NHS: variants seen among roughly 807,000 people sequenced by gnomAD.
NHS encodes NHS actin remodeling regulator, also known as actin remodeling regulator NHS.
NHS carries 5 observed loss-of-function variants against 72.5 expected under a neutral mutation model. That is an observed-to-expected ratio of 0.07 (90% CI 0.04 to 0.14). The LOEUF is 0.14. Ranked by LOEUF, NHS falls within the 10% of genes least tolerant of loss-of-function variation. NHS has a pLI of 1.00. For synonymous variants in NHS, 464 were observed against 547.7 expected, an observed-to-expected ratio of 0.85 and a Z score of 2.13; for missense variants, 1,072 against 1,355.7, an observed-to-expected ratio of 0.79 and a Z score of 3.29.
chrX:17,378,556 G>A (rs2064358340), intron 1 of NHS, among the ~76,000 whole-genome samples: 1 of 111,421 alleles, frequency 9.0e-6, no homozygotes, highest in Admixed American at 9.5e-5. Flanking sequence ...AGAATGCAGA[G>A]CCTGAGACAA....
intron 1 of NHS, among the ~76,000 whole-genome samples, chrX:17,678,291 T>A (rs901196019): frequency 6.6e-5 from 7 of 105,579 alleles, no homozygotes; most frequent in African/African-American, 1.1e-4. Context: ...TGTGTGTGTG[T>A]GTGAGAGAGA....
At chrX:17,381,880 C>G (rs1451027764) in intron 1 of NHS, among the ~76,000 whole-genome samples, 1 of 112,428 alleles carries the variant, frequency 8.9e-6, no homozygotes, top group Non-Finnish European at 1.9e-5. Flanking sequence ...ATTTATAACC[C>G]TGGAAGTATA....
intron 1 of NHS, among the ~76,000 whole-genome samples, chrX:17,546,581 G>T (rs1389071752): frequency 1.8e-5 from 2 of 111,934 alleles, no homozygotes; most frequent in Non-Finnish European, 1.9e-5. Flanking sequence ...TGAATGCCAG[G>T]CATGTGCTTG....
chrX:17,413,466 A>G (rs751598032), intron 1 of NHS, among the ~76,000 whole-genome samples: 4 of 112,030 alleles, frequency 3.6e-5, no homozygotes, highest in Admixed American at 9.4e-5. Flanking sequence ...TCTTGATGTC[A>G]TTAGCTGTTT....
intron 1 of NHS, among the ~76,000 whole-genome samples, chrX:17,483,007 G>C (rs760677749): frequency 5.9e-5 from 6 of 100,900 alleles, no homozygotes; most frequent in African/African-American, 2.1e-4. Flanking sequence ...GGGGGCATCT[G>C]CTCCACTGCT....
chrX:17,440,339 C>G (rs1175351555), intron 1 of NHS, among the ~76,000 whole-genome samples: 2 of 106,045 alleles, frequency 1.9e-5, no homozygotes, highest in East Asian at 5.9e-4. Context: ...ATATGGGTCA[C>G]AGTCAACAAA....
chrX:17,455,377 A>T (rs112308184), intron 1 of NHS, among the ~76,000 whole-genome samples: 1,481 of 111,746 alleles, frequency 0.013, 26 homozygotes, highest in African/African-American at 0.045. Context: ...ACTATCACCA[A>T]CATCATCACC....
chrX:17,687,201 T>C (rs756769275), intron 1 of NHS: 1 of 143,393 alleles, frequency 7.0e-6, no homozygotes, highest in East Asian at 1.7e-4. Flanking sequence ...AGCCGGTAGG[T>C]GTAGGGCATG....
intron 1 of NHS, among the ~76,000 whole-genome samples, chrX:17,648,365 T>A (rs112147118): frequency 1.5e-3 from 164 of 112,005 alleles, no homozygotes; most frequent in African/African-American, 5.2e-3. Context: ...GGTGCCAAGA[T>A]CAGCAGAAGC....
chrX:17,447,517 A>G (rs2064786636), intron 1 of NHS, among the ~76,000 whole-genome samples: 1 of 111,074 alleles, frequency 9.0e-6, no homozygotes, highest in Non-Finnish European at 1.9e-5. Flanking sequence ...TTTATTAGTG[A>G]TGCTATTGGA....
At chrX:17,411,331 T>C (rs2064556925) in intron 1 of NHS, among the ~76,000 whole-genome samples, 1 of 111,901 alleles carries the variant, frequency 8.9e-6, no homozygotes, top group South Asian at 3.8e-4. Context: ...ATGGGCTGTG[T>C]TGAATGCCAG....
chrX:17,572,491 C>CTTTTTTTTTTTTTTTTTTTTT (rs760577193), intron 1 of NHS, among the ~76,000 whole-genome samples: 9 of 46,764 alleles, frequency 1.9e-4, no homozygotes, highest in African/African-American at 5.2e-4. Flanking sequence ...GCAACCCCTG[C>CTTTTTTTTTTTTTTTTTTTTT]TTTTTTTTTT....
At chrX:17,420,744 A>T (rs1016343739) in intron 1 of NHS, among the ~76,000 whole-genome samples, 2 of 112,190 alleles carry the variant, frequency 1.8e-5, no homozygotes, top group Admixed American at 1.9e-4. Flanking sequence ...CATAAAAAAT[A>T]TTTGTAAATA....
At chrX:17,583,323 A>G (rs2065554309) in intron 1 of NHS, among the ~76,000 whole-genome samples, 1 of 111,590 alleles carries the variant, frequency 9.0e-6, no homozygotes, top group Non-Finnish European at 1.9e-5. Context: ...CTGCAAATCC[A>G]TCCCATAACA....
chrX:17,712,290 T>TATATACAC (rs1396937988), intron 3 of NHS, among the ~76,000 whole-genome samples: 133 of 52,965 alleles, frequency 2.5e-3, no homozygotes, highest in Non-Finnish European at 3.4e-3. Flanking sequence ...TATATATATA[T>TATATACAC]ACACACACAC....
intron 1 of NHS, chrX:17,687,373 T>C: frequency 4.1e-6 from 1 of 243,490 alleles, no homozygotes; most frequent in Non-Finnish European, 7.6e-6. Context: ...TCTGAGGCTT[T>C]CCTCCACATT....
At chrX:17,728,992 G>A (rs1007645257) in intron 8 of NHS, among the ~76,000 whole-genome samples, 30 of 112,401 alleles carry the variant, frequency 2.7e-4, no homozygotes, top group African/African-American at 9.7e-4. Context: ...GATAGACCTC[G>A]ATTGAGAGAC....
chrX:17,398,869 C>T (rs2064488849), intron 1 of NHS, among the ~76,000 whole-genome samples: 1 of 111,981 alleles, frequency 8.9e-6, no homozygotes, highest in Non-Finnish European at 1.9e-5. Context: ...GACTCTACTT[C>T]TTGACTGGAG....
At chrX:17,677,140 A>G (rs2066087214) in intron 1 of NHS, among the ~76,000 whole-genome samples, 1 of 111,549 alleles carries the variant, frequency 9.0e-6, no homozygotes, top group Non-Finnish European at 1.9e-5. Flanking sequence ...GCTCCATTTT[A>G]ATCTATTATG....
Sources: allele counts gnomAD v4.1 joint callset (sites outside exome capture counted in the v4.1 genomes callset), GRCh38; gene constraint gnomAD v4.1.1; transcripts MANE v1.5; gene names NCBI Gene and HGNC (gene_info 2026-07-23, HGNC 2026-07-21).